HACD4: variants seen among roughly 807,000 people sequenced by gnomAD.
HACD4 encodes the protein 3-hydroxyacyl-CoA dehydratase 4.
In HACD4, 35 loss-of-function variants were observed where a neutral mutation model predicts 33.3. The observed-to-expected ratio is 1.05, with a 90% CI of 0.80 to 1.39. The LOEUF is 1.39. Ranked by LOEUF, HACD4 falls within the 40% of genes most tolerant of loss-of-function variation. HACD4 has a pLI of 0.00. For synonymous variants in HACD4, 118 were observed against 98.0 expected, an observed-to-expected ratio of 1.20 and a Z score of -1.21; for missense variants, 323 against 276.5, an observed-to-expected ratio of 1.17 and a Z score of -1.19.
intron 3 of HACD4, among the ~76,000 whole-genome samples, chr9:21,017,098 C>A (rs1199758923): frequency 6.6e-6 from 1 of 152,036 alleles, no homozygotes; most frequent in Non-Finnish European, 1.5e-5. Context: ...CAGTCAAATT[C>A]ACAGTAAAGA....
At chr9:21,024,159 G>T (rs1818006254) in intron 3 of HACD4, among the ~76,000 whole-genome samples, 1 of 152,228 alleles carries the variant, frequency 6.6e-6, no homozygotes, top group Non-Finnish European at 1.5e-5. Flanking sequence ...GCATGTTTCT[G>T]AACCTTTATC....
At chr9:21,028,940 A>C (rs1009867386) in intron 2 of HACD4, among the ~76,000 whole-genome samples, 2 of 152,186 alleles carry the variant, frequency 1.3e-5, no homozygotes, top group East Asian at 1.9e-4. Context: ...GAAGAATTTG[A>C]TTCATTCCTG....
At chr9:21,012,657 C>A (rs1206628951) in intron 4 of HACD4, among the ~76,000 whole-genome samples, 1 of 152,220 alleles carries the variant, frequency 6.6e-6, no homozygotes, top group Non-Finnish European at 1.5e-5. Context: ...GAGGACCTCA[C>A]TGAACATAGC....
chr9:21,009,744 C>G (rs545621808), intron 5 of HACD4, among the ~76,000 whole-genome samples: 8 of 152,268 alleles, frequency 5.3e-5, no homozygotes, highest in African/African-American at 1.4e-4. Context: ...CTGCTGTGCA[C>G]TAGATCTCAA....
chr9:21,010,912 G>A (rs760604190), intron 5 of HACD4, among the ~76,000 whole-genome samples: 4 of 152,154 alleles, frequency 2.6e-5, no homozygotes, highest in Non-Finnish European at 5.9e-5. Context: ...TGCCTCCACT[G>A]ATCTGACAGG....
At chr9:21,008,232 T>C in intron 5 of HACD4, 86 bp from the exon 6 acceptor site, 2 of 1,187,476 alleles carry the variant, frequency 1.7e-6, no homozygotes, top group Non-Finnish European at 2.3e-6. Flanking sequence ...TTGTAGGATA[T>C]TTTGAATTTG....
chr9:21,027,194 T>C (rs1050113812), intron 2 of HACD4, among the ~76,000 whole-genome samples: 2 of 152,230 alleles, frequency 1.3e-5, no homozygotes, highest in Admixed American at 1.3e-4. Flanking sequence ...TGCCATGATA[T>C]CAAATAACAT....
intron 4 of HACD4, among the ~76,000 whole-genome samples, chr9:21,012,734 T>C (rs1285006665): frequency 6.6e-6 from 1 of 152,170 alleles, no homozygotes; most frequent in East Asian, 1.9e-4. Context: ...TTTCCCCTCA[T>C]ATTAGAAGAG....
At chr9:21,026,839 T>C (rs1448866856) in intron 2 of HACD4, 116 bp from the exon 3 acceptor site, 14 of 821,972 alleles carry the variant, frequency 1.7e-5, no homozygotes, top group South Asian at 8.7e-5. Flanking sequence ...TCATTGTACA[T>C]GTGAAAAATT....
intron 3 of HACD4, among the ~76,000 whole-genome samples, chr9:21,023,453 G>T (rs1278848092): frequency 1.3e-5 from 2 of 152,078 alleles, no homozygotes; most frequent in African/African-American, 2.4e-5. Flanking sequence ...ACCACTACTT[G>T]ATATGTGTAA....
Position 20,999,779 on chromosome 9 carries a change from T to C in HACD4, c.*7258A>G, listed in dbSNP as rs907299733. On this transcript the variant is annotated 3_prime_UTR_variant, in exon 7 of 7. Coordinates refer to ENST00000495827, the MANE Select transcript of HACD4 (RefSeq NM_001010915.5). ...ATTATGGGTGTCTATTATGTGCCAC[T>C]ATACAAGTTTCTGGGGTACAATCTG... The C allele has an allele frequency of 6.6e-6, 1 of 152,228 alleles. No individual in the cohort carries two copies. Among genetic ancestry groups the C allele is most frequent in the Non-Finnish European group, 1.5e-5 (1 of 68,034 alleles). The allele number at this position is 152,228 out of a possible 1,614,324, so 9.4% of individuals were successfully genotyped here.
intron 3 of HACD4, among the ~76,000 whole-genome samples, chr9:21,019,705 A>G (rs1247360230): frequency 2.0e-5 from 3 of 152,088 alleles, no homozygotes; most frequent in Admixed American, 2.0e-4. Flanking sequence ...CTAAAATCTT[A>G]CCTACAGAGT....
At chr9:21,025,156 C>A (rs1818030000) in intron 3 of HACD4, among the ~76,000 whole-genome samples, 1 of 152,078 alleles carries the variant, frequency 6.6e-6, no homozygotes, top group East Asian at 1.9e-4. Context: ...GTTTATACAC[C>A]ATTACCCTAA....
rs907750906 is a variant in HACD4 at position 21,006,136 on chromosome 9, C to G, written c.*901G>C. ...GACATGAATTTTGTAGGACCAGGTACAGAATGCTATGGAGTGAATCTTTGT... is the reference window on the plus strand; with the variant it reads ...GACATGAATTTTGTAGGACCAGGTAGAGAATGCTATGGAGTGAATCTTTGT... On this transcript the variant is annotated 3_prime_UTR_variant, in exon 7 of 7. Coordinates refer to ENST00000495827, the MANE Select transcript of HACD4 (RefSeq NM_001010915.5). The surrounding 1 kb of genome is among the most constrained non-coding windows in gnomAD (Gnocchi z 4.6). The G allele has an allele frequency of 1.3e-5, 2 of 152,138 alleles. No individual in the cohort carries two copies. Among genetic ancestry groups the G allele is most frequent in the African/African-American group, 2.4e-5 (1 of 41,420 alleles). The allele number at this position is 152,138 out of a possible 1,614,324, so 9.4% of individuals were successfully genotyped here.
At chr9:21,013,606 T>G (rs557214285) in intron 4 of HACD4, among the ~76,000 whole-genome samples, 1 of 152,342 alleles carries the variant, frequency 6.6e-6, no homozygotes, top group Non-Finnish European at 1.5e-5. Flanking sequence ...TATTGCCATC[T>G]GAACAATATT....
intron 1 of HACD4, among the ~76,000 whole-genome samples, chr9:21,030,269 CAAAA>C (rs57245979): frequency 1.2e-4 from 13 of 110,886 alleles, no homozygotes; most frequent in Admixed American, 9.3e-4. Flanking sequence ...TGGCAACTTA[CAAAA>C]AAAAAAAAAA....
intron 1 of HACD4, 36 bp from the exon 2 acceptor site, chr9:21,029,434 T>C: frequency 1.6e-6 from 2 of 1,289,924 alleles, no homozygotes; most frequent in Non-Finnish European, 2.2e-6. Context: ...AACACTTCTT[T>C]TATAATCATC....
chr9:21,014,326 C>A (rs1482539593), intron 4 of HACD4, among the ~76,000 whole-genome samples: 1 of 152,176 alleles, frequency 6.6e-6, no homozygotes, highest in African/African-American at 2.4e-5. Flanking sequence ...TGTCCATCAA[C>A]TGATAAGTGG....
At chr9:21,031,313 A>T (rs957924082) in intron 1 of HACD4, 1 of 331,514 alleles carries the variant, frequency 3.0e-6, no homozygotes, top group African/African-American at 2.2e-5. Flanking sequence ...GTAGCCATGC[A>T]GCCTGTCCTT....
Sources: gnomAD v4.1 joint callset for allele counts (sites outside exome capture counted in the v4.1 genomes callset) on GRCh38, gnomAD v4.1.1 for gene constraint, Gnocchi (gnomAD v3.1) non-coding constraint, MANE v1.5 for transcripts, NCBI Gene and HGNC (gene_info 2026-07-23, HGNC 2026-07-21) for gene names.